Variants in SPTBN4 observed in about 807,000 individuals in gnomAD.
SPTBN4 encodes spectrin beta, non-erythrocytic 4, also known as spectrin beta chain, non-erythrocytic 4.
In SPTBN4, 96 loss-of-function variants were observed where a neutral mutation model predicts 277.8. That is an observed-to-expected ratio of 0.35 (90% CI 0.29 to 0.41). The LOEUF is 0.41. Among genes scored for constraint, SPTBN4 ranks in the 10% least tolerant of loss-of-function variants. The probability of loss-of-function intolerance (pLI) is 1.00; values close to 1 mark genes in which losing one functional copy is unlikely to be tolerated. For synonymous variants in SPTBN4, 1,481 were observed against 1,580.3 expected, an observed-to-expected ratio of 0.94 and a Z score of 1.49; for missense variants, 3,006 against 3,595.7, an observed-to-expected ratio of 0.84 and a Z score of 4.19.
chr19:40,529,843 ACCCCGTAC>A (rs2080642048), intron 18 of SPTBN4, among the ~76,000 whole-genome samples: 1 of 151,128 alleles, frequency 6.6e-6, no homozygotes, highest in Admixed American at 6.6e-5. Flanking sequence ...CTCCATCATC[ACCCCGTAC>A]CTAAGTTTCT....
chr19:40,573,072 G>T (rs994743960), intron 35 of SPTBN4, among the ~76,000 whole-genome samples: 2 of 152,240 alleles, frequency 1.3e-5, no homozygotes, highest in African/African-American at 4.8e-5. Context: ...ACTTTGGGAG[G>T]CCAAGGCAGG....
At chr19:40,570,380 A>G in intron 32 of SPTBN4, 56 bp from the exon 33 acceptor site, 2 of 1,275,970 alleles carry the variant, frequency 1.6e-6, no homozygotes, top group Non-Finnish European at 1.1e-6. Context: ...CCCCAAACAG[A>G]TGACCCCCAC....
At chr19:40,499,738 G>A (rs965298155) in intron 7 of SPTBN4, among the ~76,000 whole-genome samples, 2 of 152,050 alleles carry the variant, frequency 1.3e-5, no homozygotes, top group Admixed American at 1.3e-4. Context: ...GCTCAGGGAT[G>A]TTGTCACTTG....
chr19:40,561,377 T>G (rs8107961), intron 27 of SPTBN4, among the ~76,000 whole-genome samples: 66,593 of 151,988 alleles, frequency 0.44, 15,384 homozygotes, highest in African/African-American at 0.48. Context: ...CAGGGACACC[T>G]GGCATTGCTT....
chr19:40,550,186 A>T, intron 21 of SPTBN4, 52 bp from the exon 22 acceptor site: 1 of 1,516,828 alleles, frequency 6.6e-7, no homozygotes. Context: ...GTTGCGATGC[A>T]GGGGTTCTTG....
intron 3 of SPTBN4, among the ~76,000 whole-genome samples, chr19:40,489,236 GAAA>G (rs984322881): frequency 6.9e-6 from 1 of 145,632 alleles, no homozygotes; most frequent in Admixed American, 6.9e-5. Context: ...AAAAAAGAAA[GAAA>G]AAAAAGAATA....
chr19:40,525,930 C>G (rs2080585710), intron 17 of SPTBN4, among the ~76,000 whole-genome samples: 1 of 152,170 alleles, frequency 6.6e-6, no homozygotes, highest in Non-Finnish European at 1.5e-5. Flanking sequence ...TTCCCACCAT[C>G]CCAGTCATTT....
At chr19:40,471,997 G>A (rs926775399) in intron 1 of SPTBN4, among the ~76,000 whole-genome samples, 3 of 142,436 alleles carry the variant, frequency 2.1e-5, no homozygotes, top group Admixed American at 1.5e-4. Context: ...CACAACCTCC[G>A]CCTCCCGGGT....
intron 16 of SPTBN4, among the ~76,000 whole-genome samples, chr19:40,520,510 G>A (rs757934998): frequency 1.3e-5 from 2 of 152,190 alleles, no homozygotes; most frequent in South Asian, 2.1e-4. Context: ...GTTGATTGGC[G>A]ATGGTTAAAT....
In SPTBN4 at chr19:40,576,395, C is replaced by G. The variant is rs934446600; in HGVS notation, c.*826C>G. 6.5e-6 allele frequency: 1 copy of G among 153,452 alleles called. No individual in the cohort carries two copies. The highest frequency in any genetic ancestry group is 1.5e-5 in the Non-Finnish European group (1 of 68,674). The allele number at this position is 153,452 out of a possible 1,614,324, so 9.5% of individuals were successfully genotyped here. A position where few individuals can be genotyped will look rare whatever the true frequency, so the allele number is the denominator to read the frequency against. ...GCCGCCTGGAGAAGCCGCTGGGGCC[C>G]GGGGGTGTGGGGCGGTGTGGCGGGC... On this transcript the variant is annotated 3_prime_UTR_variant, in exon 36 of 36. Transcript: ENST00000598249.
At position 40,560,750 on chromosome 19, in the gene SPTBN4, C is replaced by T. The variant is rs1443567614; in HGVS notation, c.5915+347C>T. 31 of 1,326,018 alleles carry T rather than the reference C, an allele frequency of 2.3e-5. No individual in the cohort carries two copies. Among genetic ancestry groups the T allele is most frequent in the Non-Finnish European group, 2.9e-5 (30 of 1,036,904 alleles). 82.1% of individuals were successfully genotyped at this position (1,326,018 alleles called of 1,614,324 possible). On this transcript the variant is annotated intron_variant, in intron 27 of 35. Coordinates refer to ENST00000598249, the MANE Select transcript of SPTBN4 (RefSeq NM_020971.3). This position sits in a 1 kb window ranked among gnomAD's most constrained non-coding sequence, Gnocchi z 5.2. ...GGGTGGGTGAAGAATTCTAACAATT[C>T]CAGCATCTCAGTGGCTTCATTAGTG...
Position 40,467,236 on chromosome 19 carries a change from G to C in SPTBN4, c.-85G>C, listed in dbSNP as rs1256186086. On this transcript the variant is annotated 5_prime_UTR_variant, in exon 1 of 36. Coordinates refer to ENST00000598249, the MANE Select transcript of SPTBN4 (RefSeq NM_020971.3). ...CCGGGCCGGGCCGGGCCGGGCAGCG[G>C]ACGCCGACAGGGAGGGCGGTCGGTC... 6.6e-6 allele frequency: 1 copy of C among 151,474 alleles called. No homozygotes were observed. The allele number at this position is 151,474 out of a possible 1,614,324, so 9.4% of individuals were successfully genotyped here.
chr19:40,485,738 T>C (rs892584929), intron 2 of SPTBN4, among the ~76,000 whole-genome samples: 1 of 151,798 alleles, frequency 6.6e-6, no homozygotes, highest in African/African-American at 2.4e-5. Context: ...CCTGAGAGGT[T>C]GAGGCTGCAG....
Position 40,515,472 on chromosome 19 carries a change from T to C in SPTBN4, c.2903+24T>C. Reference sequence around the variant, plus strand: ...AGGTAGGAGGGCCTGGGGCTGGGAGTCCCTCCCATCCTTCCCTTCCACACT... The same window carrying C: ...AGGTAGGAGGGCCTGGGGCTGGGAGCCCCTCCCATCCTTCCCTTCCACACT... On this transcript the variant is annotated intron_variant, in intron 15 of 35. Coordinates refer to ENST00000598249, the MANE Select transcript of SPTBN4 (RefSeq NM_020971.3). This position sits in a 1 kb window ranked among gnomAD's most constrained non-coding sequence, Gnocchi z 4.1. 1 of 1,533,946 alleles carries C rather than the reference T, an allele frequency of 6.5e-7. No homozygotes were observed. The highest frequency in any genetic ancestry group is 1.4e-5 in the African/African-American group (1 of 72,494).
chr19:40,484,083 A>G (rs888329514), intron 2 of SPTBN4, among the ~76,000 whole-genome samples: 6 of 151,792 alleles, frequency 4.0e-5, no homozygotes, highest in African/African-American at 1.5e-4. Flanking sequence ...CCCTGTATCA[A>G]AAAAAAAGAG....
Position 40,512,464 on chromosome 19 carries a change from G to C in SPTBN4, c.1817-142G>C, listed in dbSNP as rs912145078. 3.6e-5 allele frequency: 40 copies of C among 1,122,692 alleles called. No individual in the cohort carries two copies. In the African/African-American group the frequency reaches 5.5e-4, roughly 15 times the overall value. The allele number at this position is 1,122,692 out of a possible 1,614,324, so 69.5% of individuals were successfully genotyped here. Reference sequence around the variant, plus strand: ...GCCTGCTCCAGCCTTGGGGTGTCAGGGAAGGCTGCCTGGAGGAGGAGCCAC... The same window carrying C: ...GCCTGCTCCAGCCTTGGGGTGTCAGCGAAGGCTGCCTGGAGGAGGAGCCAC... On this transcript the variant is annotated intron_variant, in intron 13 of 35. Transcript: ENST00000598249.
rs889374538 is a variant in SPTBN4, at chr19:40,467,023, C to T, written c.-298C>T. 1.3e-5 allele frequency among the ~76,000 whole-genome samples: 2 copies of T among 151,708 alleles called. No individual in the cohort carries two copies. Among genetic ancestry groups the T allele is most frequent in the African/African-American group, 4.8e-5 (2 of 41,370 alleles). On this transcript the variant is annotated 5_prime_UTR_variant, in exon 1 of 36. Transcript: ENST00000598249. ...GCCGCCGTGCCCTCGCGAGTGCAGCCGTGCACCCCACGCCGCGGCCGGGTG... is the reference window on the plus strand; with the variant it reads ...GCCGCCGTGCCCTCGCGAGTGCAGCTGTGCACCCCACGCCGCGGCCGGGTG...
At chr19:40,481,897 T>C (rs1027939599) in intron 2 of SPTBN4, among the ~76,000 whole-genome samples, 5 of 152,058 alleles carry the variant, frequency 3.3e-5, no homozygotes, top group African/African-American at 1.2e-4. Context: ...ATACATTTAT[T>C]GGCCATTCAA....
At chr19:40,522,347 A>AT (rs2080537006) in intron 16 of SPTBN4, among the ~76,000 whole-genome samples, 2 of 111,792 alleles carry the variant, frequency 1.8e-5, no homozygotes, top group South Asian at 5.4e-4. Context: ...CATAGTAACC[A>AT]ATTTTTTTTT....
Sources: gnomAD v4.1 joint callset for allele counts (sites outside exome capture counted in the v4.1 genomes callset) on GRCh38, gnomAD v4.1.1 for gene constraint, Gnocchi (gnomAD v3.1) non-coding constraint, MANE v1.5 for transcripts, NCBI Gene and HGNC (gene_info 2026-07-23, HGNC 2026-07-21) for gene names.